COL8A1: variants seen among roughly 807,000 people sequenced by gnomAD.
COL8A1 encodes collagen alpha-1(VIII) chain.
Under a neutral mutation model 42.7 loss-of-function variants are expected in COL8A1, and 21 were observed. The observed-to-expected ratio is 0.49, with a 90% CI of 0.35 to 0.71. The LOEUF is 0.71. Among genes scored for constraint, COL8A1 ranks in the 30% least tolerant of loss-of-function variants. The pLI is 0.01. For missense variants in COL8A1, 788 were observed against 962.4 expected (o/e 0.82, Z 2.40); for synonymous variants, 367 against 369.1 (o/e 0.99, Z 0.06).
At chr3:99,783,219 A>G (rs1356304356) in intron 2 of COL8A1, among the ~76,000 whole-genome samples, 1 of 152,170 alleles carries the variant, frequency 6.6e-6, no homozygotes. Flanking sequence ...AACCTTTGGA[A>G]TGTGGTGGTT....
At chr3:99,704,066 T>C (rs1484184781) in intron 1 of COL8A1, among the ~76,000 whole-genome samples, 2 of 152,190 alleles carry the variant, frequency 1.3e-5, no homozygotes, top group African/African-American at 4.8e-5. Flanking sequence ...CCCTTAAAAT[T>C]AGATGTGTAA....
intron 1 of COL8A1, among the ~76,000 whole-genome samples, chr3:99,692,063 G>T (rs144737496): frequency 1.7e-4 from 26 of 152,066 alleles, no homozygotes; most frequent in Middle Eastern, 6.8e-3. Context: ...CTTCCAGGTG[G>T]TAGCAAAGCC....
At chr3:99,771,601 T>C (rs1941582250) in intron 2 of COL8A1, among the ~76,000 whole-genome samples, 2 of 152,322 alleles carry the variant, frequency 1.3e-5, no homozygotes, top group Middle Eastern at 6.8e-3. Flanking sequence ...AAAACAGTCA[T>C]GGTTGAGCGG....
chr3:99,717,783 AG>A (rs1940041203), intron 1 of COL8A1, among the ~76,000 whole-genome samples: 1 of 151,914 alleles, frequency 6.6e-6, no homozygotes, highest in Non-Finnish European at 1.5e-5. Flanking sequence ...TGCCCAAACT[AG>A]GGCTGTAGAT....
chr3:99,658,364 C>A (rs1407186348), intron 1 of COL8A1, among the ~76,000 whole-genome samples: 1 of 152,168 alleles, frequency 6.6e-6, no homozygotes, highest in Non-Finnish European at 1.5e-5. Flanking sequence ...CCAGAACACC[C>A]TGCCTTCTCA....
intron 1 of COL8A1, among the ~76,000 whole-genome samples, chr3:99,688,319 C>T (rs1250388527): frequency 6.6e-6 from 1 of 152,160 alleles, no homozygotes; most frequent in Non-Finnish European, 1.5e-5. Flanking sequence ...GGGCTGCATT[C>T]CTTCTGGTGG....
At chr3:99,767,759 A>C (rs748238942) in intron 2 of COL8A1, among the ~76,000 whole-genome samples, 117 of 152,360 alleles carry the variant, frequency 7.7e-4, no homozygotes, top group Non-Finnish European at 1.3e-3. Flanking sequence ...AACATGCAGC[A>C]AGGTATAGAG....
chr3:99,686,596 G>A (rs1939060206), intron 1 of COL8A1, among the ~76,000 whole-genome samples: 2 of 152,166 alleles, frequency 1.3e-5, no homozygotes, highest in Admixed American at 6.5e-5. Context: ...GGAGCAAGTG[G>A]ACTGGACCAC....
chr3:99,704,475 A>G (rs1939625498), intron 1 of COL8A1, among the ~76,000 whole-genome samples: 1 of 151,890 alleles, frequency 6.6e-6, no homozygotes, highest in Admixed American at 6.6e-5. Context: ...GGTTTGTTAC[A>G]TATGTATACA....
intron 1 of COL8A1, among the ~76,000 whole-genome samples, chr3:99,655,801 A>G (rs115030565): frequency 6.4e-4 from 97 of 152,334 alleles, no homozygotes; most frequent in Non-Finnish European, 1.3e-3. Context: ...GAATAATGTT[A>G]ACACACGTGG....
At chr3:99,729,345 AC>A in intron 1 of COL8A1, among the ~76,000 whole-genome samples, 1 of 152,172 alleles carries the variant, frequency 6.6e-6, no homozygotes, top group South Asian at 2.1e-4. Flanking sequence ...AAGATTTCAT[AC>A]AAACTTCAGT....
intron 3 of COL8A1, among the ~76,000 whole-genome samples, chr3:99,791,272 C>T (rs1331897834): frequency 3.9e-5 from 6 of 152,074 alleles, no homozygotes; most frequent in Admixed American, 3.9e-4. Flanking sequence ...TAGTCTATCC[C>T]CTTATTGTTT....
At chr3:99,661,658 T>A (rs1314240823) in intron 1 of COL8A1, among the ~76,000 whole-genome samples, 1 of 152,230 alleles carries the variant, frequency 6.6e-6, no homozygotes, top group Non-Finnish European at 1.5e-5. Context: ...CTCCAAGAGA[T>A]ATTTTTACAA....
intron 1 of COL8A1, among the ~76,000 whole-genome samples, chr3:99,669,146 T>TATATATATATATATATATAGAGAGAGAG: frequency 4.3e-5 from 5 of 115,388 alleles, no homozygotes; most frequent in South Asian, 2.8e-4. Context: ...TATATATATA[T>TATATATATATATATATATAGAGAGAGAG]AGAGGGAGAG....
At chr3:99,657,465 G>T (rs1456334461) in intron 1 of COL8A1, among the ~76,000 whole-genome samples, 2 of 152,140 alleles carry the variant, frequency 1.3e-5, no homozygotes, top group Non-Finnish European at 2.9e-5. Context: ...GCATCTTTTA[G>T]CTGATAAGAC....
intron 1 of COL8A1, among the ~76,000 whole-genome samples, chr3:99,662,714 T>C (rs1458207530): frequency 2.0e-5 from 3 of 152,270 alleles, no homozygotes; most frequent in East Asian, 1.9e-4. Context: ...TGTGGAGGGC[T>C]GAGAGAAAAT....
chr3:99,674,276 T>C (rs1038103470), intron 1 of COL8A1, among the ~76,000 whole-genome samples: 1 of 152,046 alleles, frequency 6.6e-6, no homozygotes, highest in Middle Eastern at 3.4e-3. Context: ...CCTTCATACC[T>C]CCCTGCTGGT....
At chr3:99,725,820 G>C (rs1940299199) in intron 1 of COL8A1, among the ~76,000 whole-genome samples, 1 of 151,824 alleles carries the variant, frequency 6.6e-6, no homozygotes, top group African/African-American at 2.4e-5. Context: ...ATCATTGTTG[G>C]ACATTTGGGT....
At position 99,786,770 on chromosome 3, in the gene COL8A1, A is replaced by G. The variant is rs564750501; in HGVS notation, c.-3-3910A>G. 8.1e-5 allele frequency among the ~76,000 whole-genome samples: 12 copies of G among 148,534 alleles called. No homozygotes were observed. The South Asian group carries it at 2.3e-3, about 28-fold the overall frequency. ...GAACATTTCCTGTTCTGAGTGTTCA[A>G]TAGGTGTTCAATAGGTATATCTAAT... is the stretch of plus-strand genomic sequence containing the variant. On this transcript the variant is annotated intron_variant, in intron 2 of 3. Coordinates refer to ENST00000652472, the MANE Select transcript of COL8A1 (RefSeq NM_020351.4).
Sources: allele counts gnomAD v4.1 joint callset (sites outside exome capture counted in the v4.1 genomes callset), GRCh38; gene constraint gnomAD v4.1.1; transcripts MANE v1.5; gene names NCBI Gene and HGNC (gene_info 2026-07-23, HGNC 2026-07-21).